Variants in DDX60L observed in about 807,000 individuals in gnomAD.
DDX60L encodes the protein probable ATP-dependent RNA helicase DDX60-like.
DDX60L carries 191 observed loss-of-function variants against 211.6 expected under a neutral mutation model. That is an observed-to-expected ratio of 0.90 (90% CI 0.80 to 1.02). The LOEUF (loss-of-function observed/expected upper bound fraction) is 1.02, where lower values mean the gene tolerates loss of function less well. Ranked by LOEUF, DDX60L falls within the 50% of genes least tolerant of loss-of-function variation. The probability of loss-of-function intolerance (pLI) is 0.00; values close to 1 mark genes in which losing one functional copy is unlikely to be tolerated. For missense variants in DDX60L, 2,007 were observed against 1,984.1 expected, an observed-to-expected ratio of 1.01 and a Z score of -0.22; for synonymous variants, 706 against 694.1, an observed-to-expected ratio of 1.02 and a Z score of -0.27.
Position 168,461,874 on chromosome 4 carries a change from A to G in DDX60L, c.431T>C (p.Ile144Thr), listed in dbSNP as rs141545646. The change falls in exon 5 of 38, where the codon ATA (isoleucine) becomes ACA (threonine). Residue 144 changes from isoleucine to threonine, a missense_variant. Transcript: ENST00000682922. ...FLEQHYPYFL[I>T]VSEEGLSDLQ... Reference sequence around the variant, plus strand: ...ATCACTCAGGCCTTCCTCTGAAACTATCAGAAAATACGGGTAATGCTGTTC... The same window carrying G: ...ATCACTCAGGCCTTCCTCTGAAACTGTCAGAAAATACGGGTAATGCTGTTC... 7.4e-6 allele frequency: 12 copies of G among 1,611,444 alleles called. No individual in the cohort carries two copies. Among genetic ancestry groups the G allele is most frequent in the African/African-American group, 6.7e-5 (5 of 75,046 alleles).
chr4:168,373,940 T>C, intron 34 of DDX60L, 132 bp from the exon 35 acceptor site: 1 of 847,632 alleles, frequency 1.2e-6, no homozygotes, highest in Non-Finnish European at 1.8e-6. Flanking sequence ...TGAGATATGG[T>C]GCATAAAGTC....
At chr4:168,379,561 A>T in intron 31 of DDX60L, 57 bp from the exon 32 acceptor site, 1 of 1,362,468 alleles carries the variant, frequency 7.3e-7, no homozygotes. Context: ...ATACCATAAA[A>T]TACCAGTGTG....
intron 35 of DDX60L, among the ~76,000 whole-genome samples, chr4:168,372,803 A>T (rs893976147): frequency 1.1e-4 from 16 of 152,086 alleles, no homozygotes; most frequent in Non-Finnish European, 2.9e-5. Flanking sequence ...CAAAAGTTCA[A>T]TGAGAAAAAT....
intron 28 of DDX60L, among the ~76,000 whole-genome samples, chr4:168,393,477 C>T (rs779960284): frequency 1.8e-4 from 28 of 152,028 alleles, no homozygotes; most frequent in Non-Finnish European, 3.5e-4. Flanking sequence ...GCCTGGGGGA[C>T]AGAGCAAGAC....
At chr4:168,471,682 T>C in intron 4 of DDX60L, 65 bp downstream of exon 4, 1 of 1,301,220 alleles carries the variant, frequency 7.7e-7, no homozygotes, top group Non-Finnish European at 1.0e-6. Context: ...CAAAGGCTCT[T>C]TAGGTTAAGA....
rs1282548753 is a variant in DDX60L, at chr4:168,449,804, AT to A, written c.997-1026del. Among the ~76,000 whole-genome samples the A allele has an allele frequency of 6.8e-3, 425 of 62,908 alleles. 1 individual carries two copies. The highest frequency in any genetic ancestry group is 0.021 in the African/African-American group (409 of 19,096). The allele number at this position is 62,908 out of a possible 152,430, so 41.3% of individuals were successfully genotyped here. A position where few individuals can be genotyped will look rare whatever the true frequency, so the allele number is the denominator to read the frequency against. On this transcript the variant is annotated intron_variant, in intron 8 of 37. Transcript: ENST00000682922. ...AAATAAAATAAACATGTGGGTAAAA[AT>A]AAAAAAAAAAAAAAAAAAGAGGTTA...
At chr4:168,462,615 C>T (rs1419370509) in intron 4 of DDX60L, among the ~76,000 whole-genome samples, 1 of 152,090 alleles carries the variant, frequency 6.6e-6, no homozygotes, top group Non-Finnish European at 1.5e-5. Context: ...GAGGACGAGA[C>T]CAGTCTGGCC....
Position 168,422,505 on chromosome 4 carries a change from C to T in DDX60L, c.2244+19G>A. The T allele has an allele frequency of 6.3e-7, 1 of 1,598,368 alleles. No individual in the cohort carries two copies. Among genetic ancestry groups the T allele is most frequent in the Non-Finnish European group, 8.5e-7 (1 of 1,174,138 alleles). ...TGAAGTCACACTGATTAGAAAAGTACAATGTTTGTTGTCATTACCTGCCAT... is the reference window on the plus strand; with the variant it reads ...TGAAGTCACACTGATTAGAAAAGTATAATGTTTGTTGTCATTACCTGCCAT... On this transcript the variant is annotated intron_variant, in intron 16 of 37. Coordinates refer to ENST00000682922, the MANE Select transcript of DDX60L (RefSeq NM_001012967.3).
At chr4:168,430,377 G>GTCTTTCTAAGACAGTT in intron 13 of DDX60L, 101 bp downstream of exon 13, 1 of 1,025,986 alleles carries the variant, frequency 9.7e-7, no homozygotes, top group Non-Finnish European at 1.4e-6. Flanking sequence ...TAGCAAACAT[G>GTCTTTCTAAGACAGTT]AGAAAGAAGA....
Position 168,461,962 on chromosome 4 carries a change from T to C in DDX60L, c.343A>G (p.Thr115Ala), listed in dbSNP as rs749968255. The change falls in exon 5 of 38, where the codon ACT becomes GCT. Residue 115 changes from threonine to alanine, a missense_variant. Thr to Ala is a moderately conservative substitution (Grantham distance 58). Transcript: ENST00000682922. ...TALILHLQHN[T>A]NIDVQTEFSG... ...AACTCCGTTTGCACATCAATGTTAG[T>C]ATTGTGTTGAAGGTGGAGAATTAAA... 3 of 1,613,452 alleles carry C rather than the reference T, an allele frequency of 1.9e-6. No individual in the cohort carries two copies. The highest frequency in any genetic ancestry group is 1.7e-4 in the Middle Eastern group (1 of 6,058).
At chr4:168,477,047 T>C (rs1759605928) in intron 1 of DDX60L, among the ~76,000 whole-genome samples, 1 of 152,212 alleles carries the variant, frequency 6.6e-6, no homozygotes, top group Admixed American at 6.5e-5. Flanking sequence ...TTCTATTGTG[T>C]AATGCCACTG....
intron 24 of DDX60L, 102 bp downstream of exon 24, chr4:168,405,848 T>G: frequency 1.6e-6 from 2 of 1,280,916 alleles, no homozygotes; most frequent in Non-Finnish European, 2.1e-6. Context: ...AAAACAAAAA[T>G]CGGAATAAAA....
chr4:168,460,353 T>C (rs1209182759), intron 5 of DDX60L, among the ~76,000 whole-genome samples: 1 of 152,240 alleles, frequency 6.6e-6, no homozygotes, highest in Non-Finnish European at 1.5e-5. Flanking sequence ...AATGAAATTA[T>C]CTCATTACTT....
chr4:168,403,057 C>T (rs1347549027), intron 25 of DDX60L, among the ~76,000 whole-genome samples: 1 of 152,148 alleles, frequency 6.6e-6, no homozygotes, highest in East Asian at 1.9e-4. Context: ...AACTAAAATT[C>T]AGAGCCACAC....
intron 20 of DDX60L, 63 bp from the exon 21 acceptor site, chr4:168,415,862 T>G: frequency 7.6e-7 from 1 of 1,318,746 alleles, no homozygotes; most frequent in Non-Finnish European, 9.9e-7. Flanking sequence ...AGAACTTGGA[T>G]ATTTTAAACA....
chr4:168,445,945 A>G (rs1754719245), intron 9 of DDX60L, among the ~76,000 whole-genome samples: 1 of 128,696 alleles, frequency 7.8e-6, no homozygotes, highest in Non-Finnish European at 1.7e-5. Context: ...CAAAAACTGG[A>G]AGCATTCCCT....
In DDX60L at chr4:168,356,789, T is replaced by A. The variant is rs1257421613; in HGVS notation, c.*1358A>T. ...GTGCCAAGTCACTTACTACATAAAC[T>A]ACAACAATACCAAGTTTTCAGCTAA... On this transcript the variant is annotated 3_prime_UTR_variant, in exon 38 of 38. Transcript: ENST00000682922. 3 of 152,202 alleles carry A rather than the reference T, an allele frequency of 2.0e-5. No homozygotes were observed. The highest frequency in any genetic ancestry group is 4.4e-5 in the Non-Finnish European group (3 of 68,024). The allele number at this position is 152,202 out of a possible 1,614,324, so 9.4% of individuals were successfully genotyped here.
In DDX60L at chr4:168,384,833, C is replaced by T. The variant is rs753310360; in HGVS notation, c.3916-21G>A. 9 of 1,600,692 alleles carry T rather than the reference C, an allele frequency of 5.6e-6. No individual in the cohort carries two copies. In the African/African-American group the frequency reaches 9.4e-5, roughly 17 times the overall value. ...GACATCTGGAAGCAGCAAAGAATCACAATGTAAAACCTCCACAGATAATTA... is the reference window on the plus strand; with the variant it reads ...GACATCTGGAAGCAGCAAAGAATCATAATGTAAAACCTCCACAGATAATTA... On this transcript the variant is annotated intron_variant, in intron 29 of 37. Transcript: ENST00000682922.
rs200419424 is a variant in DDX60L, at chr4:168,427,169, A to C, written c.1831T>G (p.Tyr611Asp). The stretch of plus-strand genomic sequence containing the variant: ...GAATTACTTGCACATGATGTCAAAT[A>C]ATCTTCCAATTTCCTTATTCCAGAA... ...LHSGIRKLEDYLTSCASNSVK... is the reference protein window; with the variant it reads ...LHSGIRKLEDDLTSCASNSVK... Residue 611 changes from tyrosine (Y) to aspartate (D), a missense_variant, in exon 14 of 38, where the codon TAT (tyrosine) becomes GAT (aspartate). By Grantham distance (160) the Tyr-to-Asp change is radical (BLOSUM62 -3). Transcript: ENST00000682922. 178 of 1,611,708 alleles carry C rather than the reference A, an allele frequency of 1.1e-4. No individual in the cohort carries two copies. The highest frequency in any genetic ancestry group is 1.5e-4 in the Non-Finnish European group (172 of 1,178,490).
Sources: gnomAD v4.1 joint callset for allele counts (sites outside exome capture counted in the v4.1 genomes callset) on GRCh38, gnomAD v4.1.1 for gene constraint, MANE v1.5 for transcripts, NCBI Gene and HGNC (gene_info 2026-07-23, HGNC 2026-07-21) for gene names.